FAM13B: variants seen among roughly 807,000 people sequenced by gnomAD.
FAM13B encodes the protein family with sequence similarity 13 member B.
A neutral mutation model predicts 117.3 loss-of-function variants in FAM13B; 60 were observed. The ratio of observed to expected loss-of-function variants is 0.51; its 90% CI spans 0.42 to 0.63. FAM13B has a LOEUF of 0.63. Among genes scored for constraint, FAM13B ranks in the 30% least tolerant of loss-of-function variants. The pLI is 0.00. For synonymous variants in FAM13B, 332 were observed against 356.1 expected (o/e 0.93, Z 0.76); for missense variants, 972 against 1,091.9 (o/e 0.89, Z 1.55).
At chr5:137,981,992 G>C (rs1003337246) in intron 10 of FAM13B, among the ~76,000 whole-genome samples, 3 of 152,170 alleles carry the variant, frequency 2.0e-5, no homozygotes, top group Non-Finnish European at 2.9e-5. Flanking sequence ...TAGGACTTAT[G>C]ATTTAGCTGT....
At chr5:138,011,717 C>CCAG (rs759946190) in intron 5 of FAM13B, 51 bp downstream of exon 5, 6 of 1,410,282 alleles carry the variant, frequency 4.3e-6, no homozygotes, top group Non-Finnish European at 5.9e-6. Flanking sequence ...CGTGCCCGGC[C>CCAG]TCACATATCT....
Position 137,985,330 on chromosome 5 carries a change from G to C in FAM13B, c.1106C>G (p.Pro369Arg). 1.2e-6 allele frequency: 2 copies of C among 1,613,636 alleles called. No homozygotes were observed. Among genetic ancestry groups the C allele is most frequent in the East Asian group, 4.5e-5 (2 of 44,838 alleles). Residue 369 changes from proline to arginine, a missense_variant, in exon 10 of 24, where the codon CCT (proline) becomes CGT (arginine). Physicochemically the swap from Pro to Arg is moderately radical, Grantham distance 103 (BLOSUM62 -2). Transcript: ENST00000689681. ...ATTGTCTAAATTAGTGCTAGCCACAGGTTTTGAACAGTCTCTGTTACTTTC... is the reference window on the plus strand; with the variant it reads ...ATTGTCTAAATTAGTGCTAGCCACACGTTTTGAACAGTCTCTGTTACTTTC... ...ASESNRDCSKPVASTNLDNEA... is the reference protein window; with the variant it reads ...ASESNRDCSKRVASTNLDNEA...
rs942010760 is a variant in FAM13B, at chr5:138,033,025, G to C, written c.-446C>G. ...GGAACAGGGGGAGAGAGTGGCGACA[G>C]AGGCGGCGGCTGAGGTGCAGAGCCT... On this transcript the variant is annotated 5_prime_UTR_variant, in exon 1 of 24. Coordinates refer to ENST00000689681, the MANE Select transcript of FAM13B (RefSeq NM_001385994.1). 2 of 986,740 alleles carry C rather than the reference G, an allele frequency of 2.0e-6. No individual in the cohort carries two copies. The highest frequency in any genetic ancestry group is 1.7e-5 in the African/African-American group (1 of 57,264). The allele number at this position is 986,740 out of a possible 1,614,324, so 61.1% of individuals were successfully genotyped here. A position where few individuals can be genotyped will look rare whatever the true frequency, so the allele number is the denominator to read the frequency against.
chr5:137,948,542 A>T (rs1285167808), intron 18 of FAM13B, among the ~76,000 whole-genome samples: 1 of 152,060 alleles, frequency 6.6e-6, no homozygotes, highest in East Asian at 1.9e-4. Context: ...ACAGGTGCAT[A>T]CTACCACATC....
intron 1 of FAM13B, among the ~76,000 whole-genome samples, chr5:138,026,437 G>A (rs1245666745): frequency 6.6e-6 from 1 of 150,496 alleles, no homozygotes; most frequent in Non-Finnish European, 1.5e-5. Context: ...ACCAGCCTGG[G>A]CAACATGGCA....
chr5:137,963,638 G>A (rs896567766), intron 10 of FAM13B, among the ~76,000 whole-genome samples: 3 of 152,150 alleles, frequency 2.0e-5, no homozygotes, highest in Non-Finnish European at 4.4e-5. Flanking sequence ...TCAATAACAG[G>A]TGTCCCCAAC....
intron 10 of FAM13B, among the ~76,000 whole-genome samples, chr5:137,966,482 TATATATAGAGAG>T (rs1246146111): frequency 4.1e-4 from 22 of 53,868 alleles, no homozygotes; most frequent in Middle Eastern, 9.8e-3. Flanking sequence ...TATATATATA[TATATATAGAGAG>T]AGAGAGAGAG....
At chr5:137,966,459 TTATATA>T (rs373885448) in intron 10 of FAM13B, among the ~76,000 whole-genome samples, 2,640 of 50,158 alleles carry the variant, frequency 0.053, 110 homozygotes, top group Non-Finnish European at 0.063. Context: ...GAAATAGATT[TTATATA>T]TATATATATA....
rs561852785 is a variant in FAM13B, at chr5:137,946,883, G to A, written c.2161-572C>T. On this transcript the variant is annotated intron_variant, in intron 18 of 23. Transcript: ENST00000689681. ...GGAAGCAGTATAGTGGAAAGATCCT[G>A]GAAAAAGCTCAACAATGTCCATTTG... Among the ~76,000 whole-genome samples, 16 of 152,286 alleles carry A rather than the reference G, an allele frequency of 1.1e-4. 1 individual carries two copies. The East Asian group carries it at 3.1e-3, about 29-fold the overall frequency.
chr5:138,042,013 A>ACTGCACCACTGCACTCCAGC (rs1791515555), intron 1 of FAM13B, among the ~76,000 whole-genome samples: 1 of 152,134 alleles, frequency 6.6e-6, no homozygotes, highest in African/African-American at 2.4e-5. Flanking sequence ...GTGAACTATG[A>ACTGCACCACTGCACTCCAGC]CTGCACCACT....
intron 1 of FAM13B, among the ~76,000 whole-genome samples, chr5:138,046,155 T>C (rs1791635537): frequency 6.6e-6 from 1 of 152,168 alleles, no homozygotes; most frequent in Admixed American, 6.5e-5. Flanking sequence ...GCACAAGCTC[T>C]CTCTTTGCTT....
At position 137,951,493 on chromosome 5, in the gene FAM13B, T is replaced by C. The variant is rs377170040; in HGVS notation, c.1930+1135A>G. Among the ~76,000 whole-genome samples the C allele has an allele frequency of 4.6e-5, 7 of 151,664 alleles. No homozygotes were observed. The East Asian group carries it at 1.2e-3, about 25-fold the overall frequency. Reference sequence around the variant, plus strand: ...GGCACAAAGCAAGACCCCAACTCTATACAAAATTTTAAAAAATTACCTGGG... The same window carrying C: ...GGCACAAAGCAAGACCCCAACTCTACACAAAATTTTAAAAAATTACCTGGG... On this transcript the variant is annotated intron_variant, in intron 17 of 23. Coordinates refer to ENST00000689681, the MANE Select transcript of FAM13B (RefSeq NM_001385994.1).
rs1023159219 is a variant in FAM13B at position 137,965,565 on chromosome 5, A to G, written c.1180-3096T>C. ...TACCTTTGGCTCAAGCATGCTAGTT[A>G]CTTCTATTAAATAGGCTACATATCT... On this transcript the variant is annotated intron_variant, in intron 10 of 23. Transcript: ENST00000689681. Among the ~76,000 whole-genome samples, 138 of 152,100 alleles carry G rather than the reference A, an allele frequency of 9.1e-4. 3 individuals carry two copies. The highest frequency in any genetic ancestry group is 3.1e-4 in the Non-Finnish European group (21 of 68,016).
intron 10 of FAM13B, among the ~76,000 whole-genome samples, chr5:137,977,370 T>G (rs1774327341): frequency 6.6e-6 from 1 of 152,186 alleles, no homozygotes; most frequent in South Asian, 2.1e-4. Context: ...TCTATTACCT[T>G]GTGAAGCATG....
At chr5:137,954,041 CTTTTTTTT>C (rs369548946) in intron 15 of FAM13B, 117 bp downstream of exon 15, 4 of 388,482 alleles carry the variant, frequency 1.0e-5, no homozygotes, top group Non-Finnish European at 1.8e-5. Flanking sequence ...CAATCTCTCT[CTTTTTTTT>C]TTTTTTTTTT....
chr5:138,007,156 A>G lies in FAM13B; in HGVS notation c.691-9T>C, dbSNP rs1168768962. 4.5e-6 allele frequency: 7 copies of G among 1,561,148 alleles called. No homozygotes were observed. In the African/African-American group the frequency reaches 8.3e-5, roughly 19 times the overall value. On this transcript the variant is annotated splice_polypyrimidine_tract_variant and intron_variant, in intron 6 of 23. Transcript: ENST00000689681. ...TCAGAAAGTTCATTAACCTATATAA[A>G]TAAAAAGAAATTCAGAATTAAAATG...
At position 138,011,907 on chromosome 5, in the gene FAM13B, A is replaced by T; in HGVS notation, c.409T>A (p.Phe137Ile). 6.3e-7 allele frequency: 1 copy of T among 1,593,626 alleles called. No individual in the cohort carries two copies. The highest frequency in any genetic ancestry group is 8.5e-7 in the Non-Finnish European group (1 of 1,174,304). ...NEDEFGRKLR[F>I]LLQQLPPVNY... ...ACAGGTGGAAGCTGTTGCAAGAGGA[A>T]CCTCAACTTTCTTCCAAATTCATCT... Residue 137 changes from phenylalanine to isoleucine, a missense_variant, in exon 5 of 24, where the codon TTC becomes ATC. Coordinates refer to ENST00000689681, the MANE Select transcript of FAM13B (RefSeq NM_001385994.1).
chr5:138,049,367 G>A (rs1356650366), intron 1 of FAM13B, among the ~76,000 whole-genome samples: 3 of 152,010 alleles, frequency 2.0e-5, no homozygotes, highest in African/African-American at 4.8e-5. Context: ...TCTGCCTCCC[G>A]GGTTCAAGCG....
At chr5:138,010,986 C>A in intron 6 of FAM13B, 22 bp downstream of exon 6, 2 of 1,415,992 alleles carry the variant, frequency 1.4e-6, no homozygotes, top group South Asian at 1.5e-5. Flanking sequence ...AAAAATTATC[C>A]CTCCAAATAG....
Sources: gnomAD v4.1 joint callset for allele counts (sites outside exome capture counted in the v4.1 genomes callset) on GRCh38, gnomAD v4.1.1 for gene constraint, MANE v1.5 for transcripts, NCBI Gene and HGNC (gene_info 2026-07-23, HGNC 2026-07-21) for gene names.